The following SLC12A2 variants were observed in gnomAD, a reference collection of about 807,000 sequenced individuals.
The protein encoded by SLC12A2 is solute carrier family 12 member 2.
SLC12A2 carries 67 observed loss-of-function variants against 136.3 expected under a neutral mutation model. The observed-to-expected ratio is 0.49, with a 90% CI of 0.40 to 0.60. SLC12A2 has a LOEUF of 0.60. Among genes scored for constraint, SLC12A2 ranks in the 20% least tolerant of loss-of-function variants. SLC12A2 has a pLI of 0.00. For synonymous variants in SLC12A2, 619 were observed against 562.9 expected (o/e 1.10, Z -1.41); for missense variants, 1,322 against 1,534.7 (o/e 0.86, Z 2.32).
intron 4 of SLC12A2, among the ~76,000 whole-genome samples, chr5:128,124,348 T>G: frequency 6.6e-6 from 1 of 152,192 alleles, no homozygotes; most frequent in South Asian, 2.1e-4. Flanking sequence ...ACCCTATAGG[T>G]TAAGAGCTGC....
intron 1 of SLC12A2, among the ~76,000 whole-genome samples, chr5:128,100,421 AC>A (rs1486008292): frequency 6.6e-6 from 1 of 152,130 alleles, no homozygotes; most frequent in Non-Finnish European, 1.5e-5. Flanking sequence ...GCTTAAAGGA[AC>A]TGCACATTGG....
intron 1 of SLC12A2, among the ~76,000 whole-genome samples, chr5:128,091,184 T>A (rs770077434): frequency 3.9e-5 from 6 of 152,026 alleles, no homozygotes; most frequent in Non-Finnish European, 8.8e-5. Flanking sequence ...ATTGTTGGGA[T>A]TTGCTGATGG....
intron 17 of SLC12A2, among the ~76,000 whole-genome samples, chr5:128,162,032 ATGT>A (rs1432355729): frequency 6.6e-6 from 1 of 152,266 alleles, no homozygotes; most frequent in African/African-American, 2.4e-5. Flanking sequence ...GACAGTAGAA[ATGT>A]TGTGTTGTTC....
intron 1 of SLC12A2, among the ~76,000 whole-genome samples, chr5:128,095,210 G>A (rs776555199): frequency 2.0e-5 from 3 of 152,020 alleles, no homozygotes; most frequent in Non-Finnish European, 1.5e-5. Flanking sequence ...TGGAGATTTG[G>A]GTCTTTAAAG....
chr5:128,105,375 T>A (rs1461027399), intron 1 of SLC12A2, among the ~76,000 whole-genome samples: 1 of 152,208 alleles, frequency 6.6e-6, no homozygotes, highest in African/African-American at 2.4e-5. Context: ...AAGGAACTCC[T>A]ACCACTTAAT....
chr5:128,086,868 C>A (rs1256335867), intron 1 of SLC12A2, among the ~76,000 whole-genome samples: 10 of 152,178 alleles, frequency 6.6e-5, no homozygotes, highest in Admixed American at 6.5e-4. Flanking sequence ...TTGACTTCTA[C>A]CTCTCTAACA....
In SLC12A2 at chr5:128,177,095, CAT is replaced by C. The variant is rs749963575; in HGVS notation, c.2930-8_2930-7del. 4.5e-6 allele frequency: 7 copies of C among 1,555,394 alleles called. No homozygotes were observed. The African/African-American group carries it at 8.4e-5, about 19-fold the overall frequency. Reference sequence around the variant, plus strand: ...TTAACATATTTTTGTGTTTTTTAAACATAATCTAGTTGAGGAAGAGGATGGCA... The same window carrying C: ...TTAACATATTTTTGTGTTTTTTAAACAATCTAGTTGAGGAAGAGGATGGCA... On this transcript the variant is annotated splice_polypyrimidine_tract_variant and splice_region_variant and intron_variant, in intron 20 of 26. Transcript: ENST00000262461.
chr5:128,142,052 C>T, intron 10 of SLC12A2, 71 bp downstream of exon 10: 1 of 1,276,196 alleles, frequency 7.8e-7, no homozygotes. Flanking sequence ...CAAATATGAC[C>T]ATTCAGAATA....
At position 128,148,819 on chromosome 5, in the gene SLC12A2, T is replaced by C; in HGVS notation, c.1947T>C (p.Asn649=). The C allele has an allele frequency of 6.2e-7, 1 of 1,608,978 alleles. No individual in the cohort carries two copies. The highest frequency in any genetic ancestry group is 1.1e-5 in the South Asian group (1 of 90,478). ...TTGCTAAAGGTTATGGGAAAAATAATGAACCTCTTCGTGGCTACATCTTAA... is the reference window on the plus strand; with the variant it reads ...TTGCTAAAGGTTATGGGAAAAATAACGAACCTCTTCGTGGCTACATCTTAA... ...QMFAKGYGKN[N]EPLRGYILTF... is the part of the protein sequence containing the mutation. Residue 649 remains asparagine, a synonymous_variant, in exon 12 of 27, where the codon AAT becomes AAC. Coordinates refer to ENST00000262461, the MANE Select transcript of SLC12A2 (RefSeq NM_001046.3).
chr5:128,107,696 G>C (rs1452708834), intron 1 of SLC12A2, among the ~76,000 whole-genome samples: 1 of 152,140 alleles, frequency 6.6e-6, no homozygotes, highest in Non-Finnish European at 1.5e-5. Context: ...TATCATTGTG[G>C]GAGTTTGGGT....
At chr5:128,184,081 G>A (rs1012919699) in intron 24 of SLC12A2, among the ~76,000 whole-genome samples, 5 of 151,876 alleles carry the variant, frequency 3.3e-5, no homozygotes, top group South Asian at 4.1e-4. Context: ...ATTAGACATC[G>A]TATTGGTGCT....
At chr5:128,129,795 G>A (rs1178059841) in intron 4 of SLC12A2, among the ~76,000 whole-genome samples, 1 of 152,100 alleles carries the variant, frequency 6.6e-6, no homozygotes, top group East Asian at 1.9e-4. Flanking sequence ...TTAAAACCAA[G>A]TTTTGATTGT....
chr5:128,112,341 A>G (rs1309513851), intron 1 of SLC12A2, among the ~76,000 whole-genome samples: 3 of 152,224 alleles, frequency 2.0e-5, no homozygotes, highest in African/African-American at 7.2e-5. Flanking sequence ...CTTGGGATCC[A>G]TGGGATTCCT....
At chr5:128,094,806 T>C (rs1183265966) in intron 1 of SLC12A2, among the ~76,000 whole-genome samples, 2 of 152,174 alleles carry the variant, frequency 1.3e-5, no homozygotes, top group Non-Finnish European at 2.9e-5. Flanking sequence ...TTCCAGTAAC[T>C]CGTAACTTGT....
chr5:128,084,295 A>G lies in SLC12A2; in HGVS notation c.341A>G (p.Lys114Arg). ...AAAAGAGAGAKQTPADGEASG... is the reference protein window; with the variant it reads ...AAAAGAGAGARQTPADGEASG... ...GCGGCTGGTGCTGGGGCGGGGGCCA[A>G]GCAGACCCCCGCGGACGGGGAAGCC... Residue 114 changes from lysine to arginine, a missense_variant, in exon 1 of 27, where the codon AAG (lysine) becomes AGG (arginine). Physicochemically the swap from Lys to Arg is conservative, Grantham distance 26. Around this residue, in one of 8 missense-constraint regions of SLC12A2, gnomAD observed 358 missense variants for 299.7 expected, o/e 1.19. Transcript: ENST00000262461. This position sits in a 1 kb window ranked among gnomAD's most constrained non-coding sequence, Gnocchi z 5.6. 1 of 1,497,330 alleles carries G rather than the reference A, an allele frequency of 6.7e-7. No homozygotes were observed. The highest frequency in any genetic ancestry group is 1.3e-5 in the South Asian group (1 of 76,336). 92.8% of individuals were successfully genotyped at this position (1,497,330 alleles called of 1,614,324 possible). A position where few individuals can be genotyped will look rare whatever the true frequency, so the allele number is the denominator to read the frequency against.
chr5:128,130,741 T>C (rs369617699), intron 4 of SLC12A2, among the ~76,000 whole-genome samples: 5 of 151,916 alleles, frequency 3.3e-5, no homozygotes, highest in African/African-American at 1.2e-4. Flanking sequence ...TAGAAATTCA[T>C]TGGGAAATGA....
intron 10 of SLC12A2, among the ~76,000 whole-genome samples, chr5:128,147,314 A>C (rs1447197166): frequency 6.6e-6 from 1 of 151,682 alleles, no homozygotes; most frequent in Non-Finnish European, 1.5e-5. Flanking sequence ...TTGTTTCAAA[A>C]TATTGTGGGG....
At chr5:128,130,954 C>T (rs1350492154) in intron 4 of SLC12A2, 113 bp from the exon 5 acceptor site, 193 of 927,388 alleles carry the variant, frequency 2.1e-4, no homozygotes, top group Non-Finnish European at 2.7e-5. Flanking sequence ...TCTTTAACTG[C>T]TCTGCTTATT....
Position 128,186,748 on chromosome 5 carries a change from T to G in SLC12A2, c.*117T>G, listed in dbSNP as rs1302151441. The G allele has an allele frequency of 1.1e-5, 12 of 1,128,316 alleles. No individual in the cohort carries two copies. Among genetic ancestry groups the G allele is most frequent in the Non-Finnish European group, 1.5e-5 (12 of 788,164 alleles). 69.9% of individuals were successfully genotyped at this position (1,128,316 alleles called of 1,614,324 possible). On this transcript the variant is annotated 3_prime_UTR_variant, in exon 27 of 27. Coordinates refer to ENST00000262461, the MANE Select transcript of SLC12A2 (RefSeq NM_001046.3). Reference sequence around the variant, plus strand: ...CGAATGGTGACTTTTCTTTCACGATTTCATTAATTTGAAAGCACACAGGAA... The same window carrying G: ...CGAATGGTGACTTTTCTTTCACGATGTCATTAATTTGAAAGCACACAGGAA...
Sources: allele counts gnomAD v4.1 joint callset (sites outside exome capture counted in the v4.1 genomes callset), GRCh38; gene constraint gnomAD v4.1.1; regional missense constraint gnomAD v4.1.1; non-coding constraint Gnocchi (gnomAD v3.1); transcripts MANE v1.5; gene names NCBI Gene and HGNC (gene_info 2026-07-23, HGNC 2026-07-21).